Variants in USP30 observed in about 807,000 individuals in gnomAD.
The protein encoded by USP30 is ubiquitin specific peptidase 30, also known as ubiquitin carboxyl-terminal hydrolase 30.
In USP30, 41 loss-of-function variants were observed where a neutral mutation model predicts 68.2. That is an observed-to-expected ratio of 0.60 (90% CI 0.47 to 0.78). USP30 has a LOEUF of 0.78. Ranked by LOEUF, USP30 falls within the 30% of genes least tolerant of loss-of-function variation. The pLI is 0.00. For missense variants in USP30, 522 were observed against 649.4 expected (o/e 0.80, Z 2.13); for synonymous variants, 229 against 253.7 (o/e 0.90, Z 0.93).
intron 3 of USP30, among the ~76,000 whole-genome samples, chr12:109,040,903 C>G (rs1210007609): frequency 6.6e-6 from 1 of 152,210 alleles, no homozygotes; most frequent in Admixed American, 6.5e-5. Context: ...CATGGGGGAT[C>G]ATTGGGGACA....
chr12:109,026,998 A>G (rs1357812976), intron 2 of USP30, among the ~76,000 whole-genome samples: 1 of 152,158 alleles, frequency 6.6e-6, no homozygotes, highest in African/African-American at 2.4e-5. Flanking sequence ...ACCTTCTGTA[A>G]CCCTGATTAC....
intron 1 of USP30, among the ~76,000 whole-genome samples, chr12:109,055,450 T>TGGAGTG (rs900289134): frequency 7.8e-5 from 9 of 114,694 alleles, no homozygotes; most frequent in Admixed American, 4.4e-4. Context: ...TCACCCAGGC[T>TGGAGTG]GGAGTGCAGT....
At chr12:109,066,957 G>A (rs2041273231) in intron 3 of USP30, among the ~76,000 whole-genome samples, 1 of 152,084 alleles carries the variant, frequency 6.6e-6, no homozygotes, top group African/African-American at 2.4e-5. Flanking sequence ...TGAAGATACA[G>A]GAATCGGTTA....
At chr12:109,053,834 A>G (rs1260680198) in intron 1 of USP30, 2 of 289,466 alleles carry the variant, frequency 6.9e-6, no homozygotes, top group South Asian at 6.0e-5. Context: ...AGTCATGGAC[A>G]AGTCCTCTCT....
chr12:109,085,873 A>G lies in USP30; in HGVS notation c.1496A>G (p.Tyr499Cys), dbSNP rs756389266. ...TCCTCCAGCGCCTACCTGCTGTTCT[A>G]CGAGCGCGTCCTTTCCAGGATGCAG... The part of the protein sequence containing the change: ...VLSSSAYLLF[Y>C]ERVLSRMQHQ... The change falls in exon 13 of 13, where the codon TAC (tyrosine) becomes TGC (cysteine). Residue 499 changes from tyrosine to cysteine, a missense_variant. Coordinates refer to ENST00000257548, the MANE Select transcript of USP30 (RefSeq NM_032663.5). 5.0e-6 allele frequency: 8 copies of G among 1,614,192 alleles called. No homozygotes were observed. Among genetic ancestry groups the G allele is most frequent in the Non-Finnish European group, 6.8e-6 (8 of 1,180,024 alleles).
intron 12 of USP30, among the ~76,000 whole-genome samples, chr12:109,085,283 G>A (rs2041914116): frequency 6.6e-6 from 1 of 152,048 alleles, no homozygotes; most frequent in South Asian, 2.1e-4. Context: ...ATTTACATAT[G>A]CATATGTATG....
intron 11 of USP30, 41 bp downstream of exon 11, chr12:109,083,103 C>A: frequency 1.3e-6 from 2 of 1,550,326 alleles, no homozygotes; most frequent in Admixed American, 2.0e-5. Context: ...GAATTTTCAG[C>A]ACAGAGAAAA....
chr12:109,034,391 G>T (rs1274886245), intron 3 of USP30, among the ~76,000 whole-genome samples: 2 of 152,050 alleles, frequency 1.3e-5, no homozygotes, highest in African/African-American at 4.8e-5. Context: ...CCTAATATAT[G>T]GTCTATCTTG....
chr12:109,033,740 G>A (rs919178667), intron 3 of USP30, among the ~76,000 whole-genome samples: 32 of 152,318 alleles, frequency 2.1e-4, no homozygotes, highest in Middle Eastern at 6.8e-3. Flanking sequence ...TGTGCTGGGA[G>A]CAGGTAAGTA....
chr12:109,034,674 T>C (rs925429784), intron 3 of USP30, among the ~76,000 whole-genome samples: 5 of 152,248 alleles, frequency 3.3e-5, no homozygotes, highest in Non-Finnish European at 5.9e-5. Flanking sequence ...TATTTCCTTG[T>C]TGATCTTCTG....
intron 7 of USP30, among the ~76,000 whole-genome samples, chr12:109,079,339 C>CTTTTTTTTTCTTTTTTT (rs2041713500): frequency 1.6e-5 from 1 of 62,250 alleles, no homozygotes; most frequent in Non-Finnish European, 2.8e-5. Flanking sequence ...TTTTCTTTTT[C>CTTTTTTTTTCTTTTTTT]TTTTTTTTTT....
At chr12:109,035,764 T>G (rs2040514184) in intron 3 of USP30, among the ~76,000 whole-genome samples, 1 of 152,252 alleles carries the variant, frequency 6.6e-6, no homozygotes, top group East Asian at 1.9e-4. Context: ...TAAGCTGTTA[T>G]TGTTAAGATT....
chr12:109,079,505 A>C (rs954557340), intron 7 of USP30, among the ~76,000 whole-genome samples: 1 of 150,488 alleles, frequency 6.6e-6, no homozygotes. Context: ...CTGGGACTAC[A>C]GGTGTGTGCC....
chr12:109,065,535 G>C (rs1211983623), intron 3 of USP30, among the ~76,000 whole-genome samples: 1 of 152,286 alleles, frequency 6.6e-6, no homozygotes, highest in East Asian at 1.9e-4. Flanking sequence ...GAAAAGTGGG[G>C]ATCATTTATA....
At chr12:109,031,921 T>C (rs979750147) in intron 3 of USP30, among the ~76,000 whole-genome samples, 7 of 151,738 alleles carry the variant, frequency 4.6e-5, no homozygotes, top group African/African-American at 1.5e-4. Flanking sequence ...CCTGACAACA[T>C]AGCAAGACCT....
In USP30 at chr12:109,085,053, C is replaced by T; in HGVS notation, c.1269C>T (p.Leu423=). 1 of 1,594,320 alleles carries T rather than the reference C, an allele frequency of 6.3e-7. No homozygotes were observed. The highest frequency in any genetic ancestry group is 8.6e-7 in the Non-Finnish European group (1 of 1,168,396). Reference sequence around the variant, plus strand: ...TGTCAGCGCCGATGCCCTTCCCTCTCCCAGTTGTTCCCGACTACAGGTGAG... The same window carrying T: ...TGTCAGCGCCGATGCCCTTCCCTCTTCCAGTTGTTCCCGACTACAGGTGAG... ...PTLSAPMPFP[L]PVVPDYSSST... is the part of the protein sequence containing the mutation. The change falls in exon 12 of 13, where the codon CTC becomes CTT. Residue 423 remains leucine, a synonymous_variant. Transcript: ENST00000257548.
intron 1 of USP30, 68 bp downstream of exon 1, chr12:109,052,829 G>C: frequency 7.3e-7 from 1 of 1,362,632 alleles, no homozygotes; most frequent in Non-Finnish European, 9.5e-7. Flanking sequence ...GCCCGTGACG[G>C]CTTTTTCATG....
At position 109,058,070 on chromosome 12, in the gene USP30, A is replaced by G; in HGVS notation, c.338A>G (p.His113Arg). ...YSRDQKEPPS[H>R]QYLSLTLLHL... is the part of the protein sequence containing the mutation. Reference sequence around the variant, plus strand: ...AGGGATCAGAAGGAGCCCCCCTCACACCAGTATTTATCCTTAACACTCTTG... The same window carrying G: ...AGGGATCAGAAGGAGCCCCCCTCACGCCAGTATTTATCCTTAACACTCTTG... The change falls in exon 3 of 13, where the codon CAC becomes CGC. Residue 113 changes from histidine (H) to arginine (R), a missense_variant. Physicochemically the swap from His to Arg is conservative, Grantham distance 29. Coordinates refer to ENST00000257548, the MANE Select transcript of USP30 (RefSeq NM_032663.5). 6.2e-7 allele frequency: 1 copy of G among 1,613,866 alleles called. No homozygotes were observed. Among genetic ancestry groups the G allele is most frequent in the South Asian group, 1.1e-5 (1 of 91,038 alleles).
At chr12:109,050,080 G>A (rs2040645501), upstream of USP30, among the ~76,000 whole-genome samples, 1 of 152,210 alleles carries the variant, frequency 6.6e-6, no homozygotes. Flanking sequence ...TGGATCACAA[G>A]GTCAGGAGTT....
Sources: gnomAD v4.1 joint callset for allele counts (sites outside exome capture counted in the v4.1 genomes callset) on GRCh38, gnomAD v4.1.1 for gene constraint, MANE v1.5 for transcripts, NCBI Gene and HGNC (gene_info 2026-07-23, HGNC 2026-07-21) for gene names.